Variants in NELL1 observed in about 807,000 individuals in gnomAD.
NELL1 encodes neural EGFL like 1.
In NELL1, 76 loss-of-function variants were observed where a neutral mutation model predicts 107.4. That is an observed-to-expected ratio of 0.71 (90% CI 0.59 to 0.86). The LOEUF (loss-of-function observed/expected upper bound fraction) is 0.86, where lower values mean the gene tolerates loss of function less well. NELL1 is among the 40% of genes least tolerant of loss of function. The pLI is 0.00. For synonymous variants in NELL1, 353 were observed against 341.2 expected (o/e 1.03, Z -0.38); for missense variants, 1,024 against 1,005.5 (o/e 1.02, Z -0.25).
intron 13 of NELL1, among the ~76,000 whole-genome samples, chr11:21,131,065 T>A (rs1855604131): frequency 7.5e-5 from 1 of 13,272 alleles, no homozygotes; most frequent in African/African-American, 3.5e-4. Context: ...GGGACATGCA[T>A]GCTGATGTGG....
intron 4 of NELL1, among the ~76,000 whole-genome samples, chr11:20,872,789 T>C (rs931196147): frequency 2.0e-5 from 3 of 151,196 alleles, no homozygotes; most frequent in Non-Finnish European, 4.4e-5. Flanking sequence ...TGCTAGTCCC[T>C]GATATATTTT....
At chr11:21,249,453 CT>C (rs1024505487) in intron 14 of NELL1, among the ~76,000 whole-genome samples, 6 of 150,504 alleles carry the variant, frequency 4.0e-5, no homozygotes, top group Admixed American at 2.0e-4. Context: ...TTGATAGCAG[CT>C]TTTTTTATTG....
chr11:21,364,945 T>C (rs1434595948), intron 14 of NELL1, among the ~76,000 whole-genome samples: 1 of 152,188 alleles, frequency 6.6e-6, no homozygotes, highest in Non-Finnish European at 1.5e-5. Flanking sequence ...TTTCATTTTC[T>C]TCTATTAAGT....
At chr11:21,183,576 A>G (rs1205511815) in intron 13 of NELL1, among the ~76,000 whole-genome samples, 1 of 151,790 alleles carries the variant, frequency 6.6e-6, no homozygotes, top group Non-Finnish European at 1.5e-5. Flanking sequence ...TAATTAAGGA[A>G]ATGCAGGCAT....
intron 14 of NELL1, among the ~76,000 whole-genome samples, chr11:21,314,875 T>TTTTTTTTTA: frequency 6.6e-6 from 1 of 152,060 alleles, no homozygotes; most frequent in African/African-American, 2.4e-5. Context: ...TTTTTTTTTT[T>TTTTTTTTTA]GAGACAAATC....
At chr11:21,385,982 C>T (rs1328993814) in intron 15 of NELL1, among the ~76,000 whole-genome samples, 1 of 151,768 alleles carries the variant, frequency 6.6e-6, no homozygotes, top group Non-Finnish European at 1.5e-5. Flanking sequence ...GTAAGCTTTT[C>T]TTCCAAGATA....
chr11:20,921,615 T>C (rs1443983126), intron 7 of NELL1, among the ~76,000 whole-genome samples: 1 of 152,002 alleles, frequency 6.6e-6, no homozygotes, highest in African/African-American at 2.4e-5. Context: ...GATGGAGATA[T>C]TACCAAGAAA....
rs1364835143 is a variant in NELL1 at position 20,669,680 on chromosome 11, A to T, written c.-44A>T. ...TCAGGATCCAGGCTCATTTGCTTCC[A>T]CCTAGCTTCGGTGCCCCCTGCTAGG... is the stretch of plus-strand genomic sequence containing the variant. On this transcript the variant is annotated 5_prime_UTR_variant, in exon 1 of 20. Coordinates refer to ENST00000357134, the MANE Select transcript of NELL1 (RefSeq NM_006157.5). This position sits in a 1 kb window ranked among gnomAD's most constrained non-coding sequence, Gnocchi z 4.4. 1 of 1,561,586 alleles carries T rather than the reference A, an allele frequency of 6.4e-7. No individual in the cohort carries two copies. The highest frequency in any genetic ancestry group is 1.1e-5 in the South Asian group (1 of 89,842).
chr11:21,147,009 G>T (rs2123800), intron 13 of NELL1, among the ~76,000 whole-genome samples: 7 of 152,014 alleles, frequency 4.6e-5, no homozygotes. Flanking sequence ...GCACCACTGC[G>T]CTCCAGCGTG....
chr11:21,483,760 A>T (rs1854550009), intron 15 of NELL1, among the ~76,000 whole-genome samples: 1 of 150,770 alleles, frequency 6.6e-6, no homozygotes, highest in African/African-American at 2.4e-5. Context: ...TATTTAGCAT[A>T]AGGTGTAATT....
At chr11:21,422,967 T>C (rs1434553615) in intron 15 of NELL1, among the ~76,000 whole-genome samples, 1 of 152,006 alleles carries the variant, frequency 6.6e-6, no homozygotes, top group Non-Finnish European at 1.5e-5. Flanking sequence ...GATCCAAAGA[T>C]AGGTTAAAAG....
chr11:20,746,476 C>T (rs115389543), intron 2 of NELL1, among the ~76,000 whole-genome samples: 2 of 152,050 alleles, frequency 1.3e-5, no homozygotes, highest in Non-Finnish European at 2.9e-5. Context: ...CCTCCCTTCA[C>T]ATATGTAGAA....
chr11:20,974,617 G>A (rs1232962028), intron 12 of NELL1, among the ~76,000 whole-genome samples: 1 of 151,996 alleles, frequency 6.6e-6, no homozygotes, highest in Non-Finnish European at 1.5e-5. Context: ...TTGGTGCGGA[G>A]GGTAAACAGA....
intron 16 of NELL1, among the ~76,000 whole-genome samples, chr11:21,553,565 A>T (rs1451334968): frequency 6.6e-6 from 1 of 151,872 alleles, no homozygotes; most frequent in Non-Finnish European, 1.5e-5. Context: ...GAAATGGACA[A>T]GATCTTAGAA....
chr11:20,991,483 C>T (rs897490177), intron 12 of NELL1, among the ~76,000 whole-genome samples: 14 of 152,184 alleles, frequency 9.2e-5, no homozygotes, highest in African/African-American at 3.4e-4. Flanking sequence ...AATGGAGGCC[C>T]TGCCATAGGC....
intron 15 of NELL1, among the ~76,000 whole-genome samples, chr11:21,381,679 C>T (rs867879783): frequency 8.4e-4 from 128 of 151,914 alleles, no homozygotes; most frequent in African/African-American, 2.8e-3. Context: ...TCTCATTCTT[C>T]TATCAGTTCT....
At chr11:21,569,015 T>C (rs1857036110) in intron 17 of NELL1, among the ~76,000 whole-genome samples, 2 of 151,880 alleles carry the variant, frequency 1.3e-5, no homozygotes. Flanking sequence ...TATATTTTTA[T>C]ACAACTGGCA....
At chr11:21,306,904 G>A (rs1372276818) in intron 14 of NELL1, among the ~76,000 whole-genome samples, 1 of 152,012 alleles carries the variant, frequency 6.6e-6, no homozygotes, top group Non-Finnish European at 1.5e-5. Flanking sequence ...AGGAGCTAAG[G>A]TCAGCAGGCA....
intron 15 of NELL1, among the ~76,000 whole-genome samples, chr11:21,464,809 T>C (rs1853987051): frequency 6.6e-6 from 1 of 152,120 alleles, no homozygotes. Flanking sequence ...AGTGATGAGA[T>C]CACATTAGTA....
Sources: gnomAD v4.1 joint callset for allele counts (sites outside exome capture counted in the v4.1 genomes callset) on GRCh38, gnomAD v4.1.1 for gene constraint, Gnocchi (gnomAD v3.1) non-coding constraint, MANE v1.5 for transcripts, NCBI Gene and HGNC (gene_info 2026-07-23, HGNC 2026-07-21) for gene names.